Variants in AFG1L observed in about 807,000 individuals in gnomAD.
The protein encoded by AFG1L is AFG1-like ATPase.
AFG1L carries 53 observed loss-of-function variants against 62.2 expected under a neutral mutation model. That is an observed-to-expected ratio of 0.85 (90% CI 0.68 to 1.07). The LOEUF is 1.07. AFG1L is among the 50% of genes least tolerant of loss of function. The pLI, the probability that AFG1L is intolerant of heterozygous loss-of-function variation, is 0.00. For synonymous variants in AFG1L, 228 were observed against 210.3 expected, an observed-to-expected ratio of 1.08 and a Z score of -0.73; for missense variants, 555 against 590.5, an observed-to-expected ratio of 0.94 and a Z score of 0.62.
intron 8 of AFG1L, among the ~76,000 whole-genome samples, chr6:108,454,021 C>G (rs1344040696): frequency 6.6e-6 from 1 of 152,218 alleles, no homozygotes; most frequent in Non-Finnish European, 1.5e-5. Flanking sequence ...TTGTGCTAGA[C>G]TGCCCAGAGT....
At chr6:108,307,705 A>G (rs1777259187) in intron 1 of AFG1L, among the ~76,000 whole-genome samples, 1 of 152,232 alleles carries the variant, frequency 6.6e-6, no homozygotes, top group Non-Finnish European at 1.5e-5. Flanking sequence ...ACCAAATAAT[A>G]GAATTGCTGG....
chr6:108,301,486 C>G (rs1776998580), intron 1 of AFG1L, among the ~76,000 whole-genome samples: 1 of 152,206 alleles, frequency 6.6e-6, no homozygotes. Flanking sequence ...TCCTGCCTAA[C>G]TATTAGGGTC....
chr6:108,437,074 A>G (rs937281176), intron 7 of AFG1L, among the ~76,000 whole-genome samples: 2 of 152,132 alleles, frequency 1.3e-5, no homozygotes, highest in African/African-American at 4.8e-5. Flanking sequence ...GCCTTTTTTT[A>G]TAAAGGCAGT....
chr6:108,456,697 A>C (rs1001023421), intron 8 of AFG1L, among the ~76,000 whole-genome samples: 2 of 152,124 alleles, frequency 1.3e-5, no homozygotes, highest in Non-Finnish European at 2.9e-5. Context: ...TGCCTATTTT[A>C]TACATCTCAT....
At chr6:108,426,682 G>A (rs1030698594) in intron 7 of AFG1L, among the ~76,000 whole-genome samples, 1 of 152,120 alleles carries the variant, frequency 6.6e-6, no homozygotes, top group Non-Finnish European at 1.5e-5. Context: ...ACCAGCACCA[G>A]TCTTTGGGGA....
At chr6:108,506,585 A>G (rs1218783572) in intron 10 of AFG1L, among the ~76,000 whole-genome samples, 1 of 148,994 alleles carries the variant, frequency 6.7e-6, no homozygotes, top group Non-Finnish European at 1.5e-5. Flanking sequence ...AATAGTTGTT[A>G]TAATCTCCAA....
chr6:108,401,133 A>AT (rs1198525387), intron 6 of AFG1L, among the ~76,000 whole-genome samples: 38,556 of 119,600 alleles, frequency 0.32, 7,381 homozygotes, highest in Non-Finnish European at 0.41. Flanking sequence ...TGCCTGGCTA[A>AT]TTTTTTTTTT....
chr6:108,463,594 T>C (rs1306236346), intron 8 of AFG1L, among the ~76,000 whole-genome samples: 1 of 151,890 alleles, frequency 6.6e-6, no homozygotes, highest in African/African-American at 2.4e-5. Context: ...GAAGAGGAGG[T>C]GAAGGTCTGG....
chr6:108,441,702 A>T (rs1009219980), intron 7 of AFG1L, among the ~76,000 whole-genome samples: 21 of 94,330 alleles, frequency 2.2e-4, no homozygotes, highest in African/African-American at 6.5e-4. Flanking sequence ...AGGTTTATTT[A>T]AAAAAAAAAA....
intron 10 of AFG1L, among the ~76,000 whole-genome samples, chr6:108,482,561 T>TA (rs1326569667): frequency 6.6e-6 from 1 of 152,188 alleles, no homozygotes; most frequent in Non-Finnish European, 1.5e-5. Flanking sequence ...CCCTAGTTTT[T>TA]ACCTAATGTC....
At chr6:108,504,781 A>G (rs1366523749) in intron 10 of AFG1L, among the ~76,000 whole-genome samples, 1 of 152,250 alleles carries the variant, frequency 6.6e-6, no homozygotes, top group African/African-American at 2.4e-5. Context: ...GAAGAGAAAA[A>G]CATGGATATT....
At chr6:108,367,530 G>C (rs577641632) in intron 6 of AFG1L, among the ~76,000 whole-genome samples, 46 of 152,298 alleles carry the variant, frequency 3.0e-4, no homozygotes, top group Non-Finnish European at 1.2e-4. Flanking sequence ...TGAAAAAAGA[G>C]AGAGGGATCA....
chr6:108,412,072 G>A (rs145435870), intron 7 of AFG1L, among the ~76,000 whole-genome samples: 6 of 152,290 alleles, frequency 3.9e-5, no homozygotes, highest in Non-Finnish European at 7.4e-5. Context: ...GTCCTTAAAT[G>A]ACCTGATGGA....
chr6:108,396,869 T>C (rs2114613101), intron 6 of AFG1L, among the ~76,000 whole-genome samples: 1 of 152,302 alleles, frequency 6.6e-6, no homozygotes, highest in African/African-American at 2.4e-5. Context: ...ATTCACATCA[T>C]GGAAAACTGG....
In AFG1L at chr6:108,402,000, C is replaced by G; in HGVS notation, c.753C>G (p.Leu251=). The part of the protein sequence containing the change: ...VATSNRPPED[L]YKNGLQRANF... The stretch of plus-strand genomic sequence containing the variant: ...AATATCATTTTTTTCTTTCAGATCT[C>G]TATAAAAATGGACTCCAAAGAGCTA... Residue 251 remains leucine, a synonymous_variant, in exon 7 of 13, where the codon CTC becomes CTG. Transcript: ENST00000368977. The G allele has an allele frequency of 6.9e-7, 1 of 1,451,002 alleles. No individual in the cohort carries two copies. Among genetic ancestry groups the G allele is most frequent in the Non-Finnish European group, 9.4e-7 (1 of 1,066,196 alleles). 89.9% of individuals were successfully genotyped at this position (1,451,002 alleles called of 1,614,324 possible).
intron 10 of AFG1L, among the ~76,000 whole-genome samples, chr6:108,489,709 A>G (rs1288253360): frequency 2.0e-5 from 3 of 152,216 alleles, no homozygotes; most frequent in Non-Finnish European, 2.9e-5. Flanking sequence ...CAAGCCACCT[A>G]GGGCTCCAAC....
At chr6:108,422,149 G>A (rs1407826534) in intron 7 of AFG1L, among the ~76,000 whole-genome samples, 1 of 151,954 alleles carries the variant, frequency 6.6e-6, no homozygotes, top group Non-Finnish European at 1.5e-5. Flanking sequence ...AATCAGTTTG[G>A]TTAAAAATAT....
At chr6:108,436,370 C>T (rs984841327) in intron 7 of AFG1L, among the ~76,000 whole-genome samples, 6 of 152,160 alleles carry the variant, frequency 3.9e-5, no homozygotes, top group Non-Finnish European at 8.8e-5. Flanking sequence ...ATCTTGATCT[C>T]TTGACCTTGT....
intron 10 of AFG1L, among the ~76,000 whole-genome samples, chr6:108,496,412 A>G (rs1324066447): frequency 6.6e-6 from 1 of 152,224 alleles, no homozygotes; most frequent in African/African-American, 2.4e-5. Context: ...AGTCTGTGCT[A>G]GGTGCTGGGG....
Sources: gnomAD v4.1 joint callset for allele counts (sites outside exome capture counted in the v4.1 genomes callset) on GRCh38, gnomAD v4.1.1 for gene constraint, MANE v1.5 for transcripts, NCBI Gene and HGNC (gene_info 2026-07-23, HGNC 2026-07-21) for gene names.